The following TMEM132B variants were observed in gnomAD, a reference collection of about 807,000 sequenced individuals.
The protein encoded by TMEM132B is transmembrane protein 132B.
In TMEM132B, 18 loss-of-function variants were observed where a neutral mutation model predicts 90.8. The observed-to-expected ratio is 0.20, with a 90% CI of 0.14 to 0.29. The LOEUF is 0.29. Ranked by LOEUF, TMEM132B falls within the 10% of genes least tolerant of loss-of-function variation. The pLI, the probability that TMEM132B is intolerant of heterozygous loss-of-function variation, is 1.00. For missense variants in TMEM132B, 1,096 were observed against 1,326.8 expected, an observed-to-expected ratio of 0.83 and a Z score of 2.70; for synonymous variants, 504 against 523.3, an observed-to-expected ratio of 0.96 and a Z score of 0.50.
chr12:125,195,049 A>G (rs1435380106), intron 1 of TMEM132B, among the ~76,000 whole-genome samples: 1 of 152,158 alleles, frequency 6.6e-6, no homozygotes, highest in Non-Finnish European at 1.5e-5. Context: ...TCTTGACCTG[A>G]GACTCAGTTT....
chr12:125,616,395 C>T (rs1384145385), intron 5 of TMEM132B, among the ~76,000 whole-genome samples: 1 of 152,082 alleles, frequency 6.6e-6, no homozygotes, highest in Non-Finnish European at 1.5e-5. Context: ...GAAGAGGAAG[C>T]CTGGCTGGCA....
At chr12:125,507,851 G>A (rs1882883741) in intron 3 of TMEM132B, among the ~76,000 whole-genome samples, 1 of 152,178 alleles carries the variant, frequency 6.6e-6, no homozygotes, top group Admixed American at 6.5e-5. Context: ...CACTCTGGCT[G>A]CTGTGTGGAG....
intron 3 of TMEM132B, among the ~76,000 whole-genome samples, chr12:125,437,780 G>A (rs1018533977): frequency 6.6e-6 from 1 of 152,180 alleles, no homozygotes; most frequent in Non-Finnish European, 1.5e-5. Flanking sequence ...CAAATCTATA[G>A]AGACGGACAG....
intron 4 of TMEM132B, among the ~76,000 whole-genome samples, chr12:125,567,088 C>T (rs1240386776): frequency 2.0e-5 from 3 of 152,126 alleles, no homozygotes; most frequent in Non-Finnish European, 4.4e-5. Context: ...AGGTGATCTG[C>T]CCGCCTTGGC....
chr12:125,397,822 A>G (rs899637276), intron 2 of TMEM132B, among the ~76,000 whole-genome samples: 1 of 152,246 alleles, frequency 6.6e-6, no homozygotes, highest in Non-Finnish European at 1.5e-5. Flanking sequence ...CTATGAAAAG[A>G]AGTGAAGTGG....
At chr12:125,281,854 C>T (rs1313079219) in intron 1 of TMEM132B, among the ~76,000 whole-genome samples, 1 of 151,580 alleles carries the variant, frequency 6.6e-6, no homozygotes, top group Non-Finnish European at 1.5e-5. Flanking sequence ...CGGTGAAACC[C>T]CGTCTCTACT....
chr12:125,283,369 A>C (rs1283537999), intron 1 of TMEM132B, among the ~76,000 whole-genome samples: 1 of 152,172 alleles, frequency 6.6e-6, no homozygotes, highest in East Asian at 1.9e-4. Context: ...TATATTCCGG[A>C]AAGCTATTTT....
chr12:125,537,982 T>C (rs1403706009), intron 4 of TMEM132B, among the ~76,000 whole-genome samples: 1 of 152,168 alleles, frequency 6.6e-6, no homozygotes, highest in African/African-American at 2.4e-5. Context: ...ATCTCCACAC[T>C]GTGCCCATCC....
chr12:125,331,126 C>T (rs1490143307), intron 1 of TMEM132B, among the ~76,000 whole-genome samples: 1 of 151,908 alleles, frequency 6.6e-6, no homozygotes, highest in African/African-American at 2.4e-5. Flanking sequence ...CCGGGGTCTG[C>T]GGAGGAGGGA....
At chr12:125,585,810 T>C (rs1007227352) in intron 5 of TMEM132B, 3 of 152,192 alleles carry the variant, frequency 2.0e-5, no homozygotes, top group African/African-American at 7.2e-5. Flanking sequence ...CTCAGGAGGA[T>C]GGGGATTCGT....
At chr12:125,435,511 G>A (rs557406309) in intron 3 of TMEM132B, among the ~76,000 whole-genome samples, 1 of 152,282 alleles carries the variant, frequency 6.6e-6, no homozygotes, top group East Asian at 1.9e-4. Context: ...GGACTGCTTG[G>A]AAACATTTAT....
intron 3 of TMEM132B, among the ~76,000 whole-genome samples, chr12:125,513,572 AG>A (rs1883036197): frequency 6.6e-6 from 1 of 152,106 alleles, no homozygotes; most frequent in African/African-American, 2.4e-5. Context: ...TTTTTTGTTT[AG>A]CACCTTGTGT....
chr12:125,362,251 C>G (rs1485242751), intron 2 of TMEM132B, among the ~76,000 whole-genome samples: 1 of 152,172 alleles, frequency 6.6e-6, no homozygotes, highest in African/African-American at 2.4e-5. Flanking sequence ...TGCTGACTCC[C>G]TGACTGACAT....
chr12:125,599,899 G>A (rs1885532191), intron 5 of TMEM132B, among the ~76,000 whole-genome samples: 1 of 152,120 alleles, frequency 6.6e-6, no homozygotes, highest in Non-Finnish European at 1.5e-5. Context: ...TCATCAGGTA[G>A]TCAATTAAAA....
At chr12:125,555,869 G>T (rs779912416) in intron 4 of TMEM132B, among the ~76,000 whole-genome samples, 5 of 152,144 alleles carry the variant, frequency 3.3e-5, no homozygotes. Context: ...AAATACGTAC[G>T]TGTATTTTGG....
intron 2 of TMEM132B, among the ~76,000 whole-genome samples, chr12:125,368,764 T>C (rs918864469): frequency 4.6e-5 from 7 of 152,204 alleles, no homozygotes; most frequent in Admixed American, 2.6e-4. Context: ...GTTCCTGGGC[T>C]TTTAGGTAAC....
At chr12:125,230,714 T>C (rs11058087) in intron 1 of TMEM132B, among the ~76,000 whole-genome samples, 5,603 of 151,330 alleles carry the variant, frequency 0.037, 129 homozygotes, top group Non-Finnish European at 0.049. Context: ...CCTTGTTAGC[T>C]AGGATGGTCT....
At chr12:125,643,504 G>T (rs1008674420) in intron 5 of TMEM132B, among the ~76,000 whole-genome samples, 1 of 152,170 alleles carries the variant, frequency 6.6e-6, no homozygotes, top group Admixed American at 6.5e-5. Flanking sequence ...AAAAGACCAC[G>T]GTGAAATGCC....
intron 1 of TMEM132B, among the ~76,000 whole-genome samples, chr12:125,288,729 A>C (rs774287887): frequency 8.2e-4 from 124 of 152,122 alleles, no homozygotes; most frequent in Non-Finnish European, 1.5e-3. Flanking sequence ...GTTCAGCAGC[A>C]TCCTGGACTC....
Sources: allele counts gnomAD v4.1 joint callset (sites outside exome capture counted in the v4.1 genomes callset), GRCh38; gene constraint gnomAD v4.1.1; transcripts MANE v1.5; gene names NCBI Gene and HGNC (gene_info 2026-07-23, HGNC 2026-07-21).